The following SRBD1 variants were observed in gnomAD, a reference collection of about 807,000 sequenced individuals.
SRBD1 encodes the protein S1 RNA-binding domain-containing protein 1.
In SRBD1, 88 loss-of-function variants were observed where a neutral mutation model predicts 115.3. The ratio of observed to expected loss-of-function variants is 0.76; its 90% confidence interval spans 0.64 to 0.91. The LOEUF is 0.91. Among genes scored for constraint, SRBD1 ranks in the 40% least tolerant of loss-of-function variants. The probability of loss-of-function intolerance (pLI) is 0.00; values close to 1 mark genes in which losing one functional copy is unlikely to be tolerated. For missense variants in SRBD1, 1,385 were observed against 1,177.4 expected, an observed-to-expected ratio of 1.18 and a Z score of -2.58; for synonymous variants, 509 against 407.7, an observed-to-expected ratio of 1.25 and a Z score of -2.99.
intron 14 of SRBD1, among the ~76,000 whole-genome samples, chr2:45,527,479 T>C (rs1477611907): frequency 6.6e-6 from 1 of 151,678 alleles, no homozygotes; most frequent in African/African-American, 2.4e-5. Flanking sequence ...CCCTGAGGGA[T>C]AGGTAAGATT....
intron 20 of SRBD1, among the ~76,000 whole-genome samples, chr2:45,392,111 TTTTC>T (rs1488925238): frequency 6.6e-6 from 1 of 152,150 alleles, no homozygotes; most frequent in Non-Finnish European, 1.5e-5. Flanking sequence ...GTCATTTTAT[TTTTC>T]TTTAACTTAA....
At chr2:45,483,770 T>C (rs1167975479) in intron 15 of SRBD1, among the ~76,000 whole-genome samples, 4 of 152,122 alleles carry the variant, frequency 2.6e-5, no homozygotes, top group Non-Finnish European at 5.9e-5. Flanking sequence ...AGTCAACAAC[T>C]CTAAATTAGA....
intron 15 of SRBD1, among the ~76,000 whole-genome samples, chr2:45,485,848 G>A (rs1473475084): frequency 1.3e-5 from 2 of 152,108 alleles, no homozygotes; most frequent in East Asian, 1.9e-4. Context: ...ATGAGAAATA[G>A]GAATTGAAAA....
At chr2:45,424,106 T>C (rs1668084129) in intron 16 of SRBD1, among the ~76,000 whole-genome samples, 1 of 152,160 alleles carries the variant, frequency 6.6e-6, no homozygotes, top group Non-Finnish European at 1.5e-5. Flanking sequence ...ACTGATGTAA[T>C]AATATTACCT....
intron 1 of SRBD1, among the ~76,000 whole-genome samples, chr2:45,606,211 G>C (rs1331087335): frequency 6.9e-6 from 1 of 144,000 alleles, no homozygotes; most frequent in African/African-American, 2.6e-5. Flanking sequence ...CCAAGCTGGA[G>C]TGCAATGGCA....
chr2:45,435,816 T>C lies in SRBD1; in HGVS notation c.2050-15922A>G, dbSNP rs74930625. On this transcript the variant is annotated intron_variant, in intron 16 of 20. Transcript: ENST00000263736. ...ATCCTTACTCAGATGGGTTCACTGA[T>C]GAATTCTATCAAACATTTAAGGAAG... Among the ~76,000 whole-genome samples, 460 of 152,366 alleles carry C rather than the reference T, an allele frequency of 3.0e-3. 7 individuals are homozygous for C. Among genetic ancestry groups the C allele is most frequent in the African/African-American group, 0.011 (439 of 41,592 alleles).
chr2:45,488,644 C>A (rs147248985), intron 14 of SRBD1, among the ~76,000 whole-genome samples: 114 of 152,192 alleles, frequency 7.5e-4, no homozygotes, highest in African/African-American at 2.6e-3. Flanking sequence ...TCCCATGATG[C>A]CAACTTCAAA....
At chr2:45,415,551 T>C (rs993197802) in intron 18 of SRBD1, among the ~76,000 whole-genome samples, 4 of 144,642 alleles carry the variant, frequency 2.8e-5, no homozygotes, top group African/African-American at 1.0e-4. Flanking sequence ...CACATGCATA[T>C]AGTCTGTATA....
intron 9 of SRBD1, among the ~76,000 whole-genome samples, chr2:45,570,427 C>G (rs557953173): frequency 6.6e-6 from 1 of 152,050 alleles, no homozygotes; most frequent in African/African-American, 2.4e-5. Context: ...CTTTATATAA[C>G]GTTAAAAGCC....
chr2:45,501,649 G>A (rs538597188), intron 14 of SRBD1, among the ~76,000 whole-genome samples: 1 of 152,296 alleles, frequency 6.6e-6, no homozygotes, highest in African/African-American at 2.4e-5. Flanking sequence ...TATATCCCAC[G>A]CCTGGCTCGG....
intron 14 of SRBD1, among the ~76,000 whole-genome samples, chr2:45,508,339 C>T (rs994897805): frequency 3.9e-5 from 6 of 152,118 alleles, no homozygotes; most frequent in African/African-American, 7.2e-5. Flanking sequence ...CCTGATTTTC[C>T]GGTGCTGGAA....
rs202076488 is a variant in SRBD1 at position 45,432,777 on chromosome 2, T to TTA, written c.2050-12885_2050-12884dup. Among the ~76,000 whole-genome samples the TTA allele has an allele frequency of 9.6e-3, 1,468 of 152,312 alleles. 22 individuals carry two copies. The highest frequency in any genetic ancestry group is 0.033 in the African/African-American group (1,379 of 41,564). Reference sequence around the variant, plus strand: ...TCGAATTCAAGGAAATCCTGGGACATTATATTTTTATTAAAATTTATGAGA... The same window carrying TTA: ...TCGAATTCAAGGAAATCCTGGGACATTATATATTTTTATTAAAATTTATGAGA... On this transcript the variant is annotated intron_variant, in intron 16 of 20. Coordinates refer to ENST00000263736, the MANE Select transcript of SRBD1 (RefSeq NM_018079.5).
chr2:45,596,653 T>C (rs912863196), intron 4 of SRBD1, among the ~76,000 whole-genome samples: 1 of 152,032 alleles, frequency 6.6e-6, no homozygotes, highest in Non-Finnish European at 1.5e-5. Flanking sequence ...TAATCCATCA[T>C]GATAATGTAG....
intron 14 of SRBD1, among the ~76,000 whole-genome samples, chr2:45,524,713 T>A (rs1671387944): frequency 6.6e-6 from 1 of 151,944 alleles, no homozygotes; most frequent in Non-Finnish European, 1.5e-5. Flanking sequence ...AAAAGGACAA[T>A]AATCCCCAAA....
chr2:45,442,346 C>T (rs3770253), intron 16 of SRBD1, among the ~76,000 whole-genome samples: 33,634 of 152,024 alleles, frequency 0.22, 5,933 homozygotes, highest in African/African-American at 0.49. Context: ...TGGGAAAAAA[C>T]TTATATGAAA....
At position 45,413,145 on chromosome 2, in the gene SRBD1, T is replaced by A; in HGVS notation, c.2482A>T (p.Ile828Phe). 1 of 1,614,060 alleles carries A rather than the reference T, an allele frequency of 6.2e-7. No homozygotes were observed. The highest frequency in any genetic ancestry group is 8.5e-7 in the Non-Finnish European group (1 of 1,179,962). ...GCTATGTCATATGATTCTGGATGAA[T>A]ACAAGTTTGGTCCAAAGGATTTGGC... is the stretch of plus-strand genomic sequence containing the variant. Reference protein sequence around the residue: ...LKPNPLDQTCIHPESYDIAMR... With the variant: ...LKPNPLDQTCFHPESYDIAMR... Residue 828 changes from isoleucine (I) to phenylalanine (F), a missense_variant, in exon 19 of 21, where the codon ATT (isoleucine) becomes TTT (phenylalanine). Coordinates refer to ENST00000263736, the MANE Select transcript of SRBD1 (RefSeq NM_018079.5).
At chr2:45,605,969 A>C (rs909047275) in intron 1 of SRBD1, among the ~76,000 whole-genome samples, 4 of 151,620 alleles carry the variant, frequency 2.6e-5, no homozygotes, top group Non-Finnish European at 5.9e-5. Flanking sequence ...AACTCTTAAG[A>C]GTATGGGCCA....
intron 14 of SRBD1, among the ~76,000 whole-genome samples, chr2:45,542,902 G>C (rs1671992321): frequency 6.6e-6 from 1 of 152,166 alleles, no homozygotes. Context: ...CAACAAGGAT[G>C]AAATCTCAAA....
chr2:45,524,535 C>T (rs1271919295), intron 14 of SRBD1, among the ~76,000 whole-genome samples: 2 of 151,786 alleles, frequency 1.3e-5, no homozygotes, highest in African/African-American at 4.8e-5. Flanking sequence ...TAAGAAAATT[C>T]CATTTACAAC....
Sources: gnomAD v4.1 joint callset for allele counts (sites outside exome capture counted in the v4.1 genomes callset) on GRCh38, gnomAD v4.1.1 for gene constraint, MANE v1.5 for transcripts, NCBI Gene and HGNC (gene_info 2026-07-23, HGNC 2026-07-21) for gene names.